The following NAALADL2 variants were observed in gnomAD, a reference collection of about 807,000 sequenced individuals.
NAALADL2 encodes the protein N-acetylated alpha-linked acidic dipeptidase like 2.
NAALADL2 carries 76 observed loss-of-function variants against 87.2 expected under a neutral mutation model. The observed-to-expected ratio is 0.87, with a 90% CI of 0.72 to 1.05. The LOEUF is 1.05. Among genes scored for constraint, NAALADL2 ranks in the 50% least tolerant of loss-of-function variants. The pLI, the probability that NAALADL2 is intolerant of heterozygous loss-of-function variation, is 0.00. For synonymous variants in NAALADL2, 354 were observed against 331.0 expected, an observed-to-expected ratio of 1.07 and a Z score of -0.75; for missense variants, 1,089 against 945.8, an observed-to-expected ratio of 1.15 and a Z score of -1.99.
At chr3:175,313,547 C>G (rs539777645) in intron 4 of NAALADL2, among the ~76,000 whole-genome samples, 5 of 152,012 alleles carry the variant, frequency 3.3e-5, no homozygotes, top group African/African-American at 7.2e-5. Flanking sequence ...GTAAAAAGAT[C>G]GGGATTACAT....
intron 3 of NAALADL2, among the ~76,000 whole-genome samples, chr3:174,782,250 C>T (rs967791975): frequency 3.9e-5 from 6 of 152,136 alleles, no homozygotes; most frequent in East Asian, 1.9e-4. Context: ...CAAAGGTGTT[C>T]GCCCAGTGAA....
chr3:174,808,702 G>A (rs1443986371), intron 3 of NAALADL2, among the ~76,000 whole-genome samples: 1 of 152,016 alleles, frequency 6.6e-6, no homozygotes, highest in Non-Finnish European at 1.5e-5. Context: ...GTCTTGGATT[G>A]TTTAATGGAA....
At chr3:175,679,993 GA>G (rs201641606) in intron 11 of NAALADL2, among the ~76,000 whole-genome samples, 51 of 151,818 alleles carry the variant, frequency 3.4e-4, no homozygotes, top group Middle Eastern at 6.8e-3. Context: ...TGAAAAAGGG[GA>G]AAAAAAAGTT....
In NAALADL2 at chr3:174,528,455, C is replaced by T. The variant is rs143868039; in HGVS notation, c.-183-22114C>T. Among the ~76,000 whole-genome samples the T allele has an allele frequency of 2.2e-3, 336 of 152,212 alleles. 2 individuals are homozygous for T. Among genetic ancestry groups the T allele is most frequent in the African/African-American group, 7.9e-3 (327 of 41,534 alleles). ...GACCAGTCTGGCCAACATGGTGAAA[C>T]CTAGTCTCTAGTAAAAATACAAAAA... is the stretch of plus-strand genomic sequence containing the variant. On this transcript the variant is annotated intron_variant, in intron 1 of 3. Transcript: ENST00000434257.
chr3:175,679,699 G>A (rs746027014), intron 11 of NAALADL2, among the ~76,000 whole-genome samples: 30 of 152,112 alleles, frequency 2.0e-4, no homozygotes, highest in Non-Finnish European at 3.2e-4. Flanking sequence ...TGTTTTACCC[G>A]TGATAAACAA....
intron 2 of NAALADL2, among the ~76,000 whole-genome samples, chr3:175,224,826 A>C (rs552633282): frequency 1.3e-5 from 2 of 152,324 alleles, no homozygotes; most frequent in South Asian, 4.1e-4. Flanking sequence ...AACACGTTTT[A>C]TCTCTATTGT....
At chr3:174,996,875 A>G (rs1210480724) in intron 1 of NAALADL2, among the ~76,000 whole-genome samples, 1 of 152,080 alleles carries the variant, frequency 6.6e-6, no homozygotes, top group African/African-American at 2.4e-5. Context: ...CTGATAAATG[A>G]GAACATACAA....
At chr3:174,751,420 T>C (rs1734805097) in intron 3 of NAALADL2, among the ~76,000 whole-genome samples, 1 of 152,144 alleles carries the variant, frequency 6.6e-6, no homozygotes, top group African/African-American at 2.4e-5. Flanking sequence ...CCCAGCACTT[T>C]GGGAGGCCAA....
rs776214854 is a variant in NAALADL2 at position 175,151,454 on chromosome 3, A to G, written c.545+54163A>G. Among the ~76,000 whole-genome samples, 7 of 152,200 alleles carry G rather than the reference A, an allele frequency of 4.6e-5. 1 individual carries two copies. Among genetic ancestry groups the G allele is most frequent in the South Asian group, 4.1e-4 (2 of 4,834 alleles). On this transcript the variant is annotated intron_variant, in intron 2 of 13. Transcript: ENST00000454872. ...TGGTAGTGACTTTTATCCAATTAAC[A>G]TCTGATTTATTATCGTATAAACTGG...
In NAALADL2 at chr3:174,849,165, G is replaced by A. The variant is rs73881536; in HGVS notation, c.-9+111419G>A. Among the ~76,000 whole-genome samples, 919 of 152,220 alleles carry A rather than the reference G, an allele frequency of 6.0e-3. 11 individuals are homozygous for A. Among genetic ancestry groups the A allele is most frequent in the African/African-American group, 0.021 (879 of 41,558 alleles). Reference sequence around the variant, plus strand: ...GAATGCAAAGAACTAGGACATTACTGTAAACTACTATGGACTTTATAAACA... The same window carrying A: ...GAATGCAAAGAACTAGGACATTACTATAAACTACTATGGACTTTATAAACA... On this transcript the variant is annotated intron_variant, in intron 3 of 3. Coordinates refer to the NAALADL2 transcript ENST00000434257.
intron 3 of NAALADL2, among the ~76,000 whole-genome samples, chr3:174,817,983 C>T (rs1720987371): frequency 6.6e-6 from 1 of 152,164 alleles, no homozygotes; most frequent in Admixed American, 6.5e-5. Flanking sequence ...ACAGAAAATT[C>T]ATATTGCATT....
At chr3:174,983,193 G>A (rs112458192) in intron 1 of NAALADL2, among the ~76,000 whole-genome samples, 2,944 of 152,274 alleles carry the variant, frequency 0.019, 80 homozygotes, top group African/African-American at 0.067. Flanking sequence ...GAAGTAAAAG[G>A]AAAGAGGGGA....
intron 2 of NAALADL2, among the ~76,000 whole-genome samples, chr3:175,212,811 T>C (rs1449977919): frequency 6.6e-6 from 1 of 152,178 alleles, no homozygotes; most frequent in East Asian, 1.9e-4. Flanking sequence ...AAAGAGTTGC[T>C]GATTCAGAAA....
chr3:175,012,349 G>A (rs982841243), intron 1 of NAALADL2, among the ~76,000 whole-genome samples: 1 of 151,804 alleles, frequency 6.6e-6, no homozygotes, highest in African/African-American at 2.4e-5. Flanking sequence ...TTTATTTTTA[G>A]TAGAGACGGA....
chr3:175,427,864 C>A (rs190599084), intron 5 of NAALADL2, among the ~76,000 whole-genome samples: 1 of 152,100 alleles, frequency 6.6e-6, no homozygotes, highest in African/African-American at 2.4e-5. Context: ...TGGAATCATA[C>A]CCTTGTAACA....
chr3:174,446,909 T>C (rs1375310614), intron 1 of NAALADL2, among the ~76,000 whole-genome samples: 7 of 152,186 alleles, frequency 4.6e-5, no homozygotes, highest in Admixed American at 4.6e-4. Flanking sequence ...GATGAGAAGA[T>C]GAAGATAGGA....
chr3:175,034,597 A>C (rs1430629897), intron 1 of NAALADL2, among the ~76,000 whole-genome samples: 1 of 151,916 alleles, frequency 6.6e-6, no homozygotes, highest in African/African-American at 2.4e-5. Flanking sequence ...ACTATGTTTT[A>C]TTTTTCTTCA....
At chr3:174,574,804 C>T (rs1402074806) in intron 2 of NAALADL2, among the ~76,000 whole-genome samples, 2 of 152,068 alleles carry the variant, frequency 1.3e-5, no homozygotes, top group Non-Finnish European at 2.9e-5. Flanking sequence ...GCTACCTTCA[C>T]TCAGTGTAAT....
chr3:175,744,764 T>C (rs1164291415), intron 12 of NAALADL2, among the ~76,000 whole-genome samples: 1 of 152,200 alleles, frequency 6.6e-6, no homozygotes, highest in Non-Finnish European at 1.5e-5. Flanking sequence ...AAACCACTTA[T>C]CAATACCTAA....
Sources: allele counts gnomAD v4.1 joint callset (sites outside exome capture counted in the v4.1 genomes callset), GRCh38; gene constraint gnomAD v4.1.1; transcripts MANE v1.5; gene names NCBI Gene and HGNC (gene_info 2026-07-23, HGNC 2026-07-21).